The following PPP4R1 variants were observed in gnomAD, a reference collection of about 807,000 sequenced individuals.
PPP4R1 encodes the protein protein phosphatase 4 regulatory subunit 1.
In PPP4R1, 42 loss-of-function variants were observed where a neutral mutation model predicts 111.2. The observed-to-expected ratio is 0.38, with a 90% CI of 0.29 to 0.49. The LOEUF is 0.49. Ranked by LOEUF, PPP4R1 falls within the 20% of genes least tolerant of loss-of-function variation. PPP4R1 has a pLI of 0.97. For missense variants in PPP4R1, 1,012 were observed against 1,161.6 expected, an observed-to-expected ratio of 0.87 and a Z score of 1.87; for synonymous variants, 409 against 405.5, an observed-to-expected ratio of 1.01 and a Z score of -0.10.
chr18:9,577,558 G>A (rs9946235), intron 9 of PPP4R1, among the ~76,000 whole-genome samples: 30,128 of 152,010 alleles, frequency 0.2, 3,298 homozygotes, highest in East Asian at 0.49. Flanking sequence ...CCAGCTACTC[G>A]GCAGGGCCTG....
chr18:9,550,348 T>C lies in PPP4R1; in HGVS notation c.2342A>G (p.Tyr781Cys), dbSNP rs772283839. ...CAGATTCAGAGCAATGGGACGTAAATAGTCATAAACATCTCTGGGACTATA... is the reference window on the plus strand; with the variant it reads ...CAGATTCAGAGCAATGGGACGTAAACAGTCATAAACATCTCTGGGACTATA... ...ELYSPRDVYD[Y>C]LRPIALNLCA... The change falls in exon 17 of 20, where the codon TAT becomes TGT. Residue 781 changes from tyrosine (Y) to cysteine (C), a missense_variant. Tyr to Cys is a radical substitution (Grantham distance 194, BLOSUM62 -2). Transcript: ENST00000400556. 6.2e-7 allele frequency: 1 copy of C among 1,610,360 alleles called. No individual in the cohort carries two copies.
At chr18:9,553,836 T>C (rs532279380) in intron 15 of PPP4R1, among the ~76,000 whole-genome samples, 35 of 152,232 alleles carry the variant, frequency 2.3e-4, no homozygotes, top group African/African-American at 7.9e-4. Context: ...CAGTATTTGT[T>C]GAGAGAAAAA....
intron 10 of PPP4R1, among the ~76,000 whole-genome samples, chr18:9,576,754 C>CTAGA (rs35776972): frequency 0.73 from 110,263 of 151,698 alleles, 40,379 homozygotes; most frequent in African/African-American, 0.78. Context: ...GAATGATTGA[C>CTAGA]TAAATAATGT....
At chr18:9,559,284 A>C in intron 14 of PPP4R1, 135 bp downstream of exon 14, 1 of 895,758 alleles carries the variant, frequency 1.1e-6, no homozygotes, top group Non-Finnish European at 1.6e-6. Context: ...TATTACTCTT[A>C]AGCTCTTCCA....
chr18:9,569,708 A>G (rs1033499577), intron 11 of PPP4R1, among the ~76,000 whole-genome samples: 1 of 152,030 alleles, frequency 6.6e-6, no homozygotes, highest in Non-Finnish European at 1.5e-5. Context: ...TGGTTATACT[A>G]CCTTTTTCTT....
chr18:9,548,399 C>T lies in PPP4R1; in HGVS notation c.2690-447G>A, dbSNP rs141779703. ...AACTATATTTATGAGGTGTTTTGGG[C>T]GGCAGGCGGCGGGGGGGTCGATTAA... On this transcript the variant is annotated intron_variant, in intron 19 of 19. Coordinates refer to ENST00000400556, the MANE Select transcript of PPP4R1 (RefSeq NM_001042388.3). Among the ~76,000 whole-genome samples the T allele has an allele frequency of 6.3e-4, 82 of 131,146 alleles. 1 individual carries two copies. Among genetic ancestry groups the T allele is most frequent in the Middle Eastern group, 9.7e-3 (2 of 206 alleles). 86.0% of individuals were successfully genotyped at this position (131,146 alleles called of 152,430 possible). A position where few individuals can be genotyped will look rare whatever the true frequency, so the allele number is the denominator to read the frequency against.
intron 15 of PPP4R1, among the ~76,000 whole-genome samples, chr18:9,556,630 T>C (rs1021134830): frequency 1.3e-5 from 2 of 152,216 alleles, no homozygotes; most frequent in Admixed American, 6.5e-5. Context: ...ATCAGGGCTA[T>C]TCACTTTGGA....
intron 10 of PPP4R1, among the ~76,000 whole-genome samples, chr18:9,573,458 G>A (rs1481667581): frequency 6.6e-6 from 1 of 152,246 alleles, no homozygotes; most frequent in East Asian, 1.9e-4. Flanking sequence ...TGATATCCTT[G>A]CAAAATTTCT....
intron 10 of PPP4R1, among the ~76,000 whole-genome samples, chr18:9,576,068 C>T (rs2066931236): frequency 6.6e-6 from 1 of 152,066 alleles, no homozygotes; most frequent in Non-Finnish European, 1.5e-5. Context: ...TCTTCCTTTA[C>T]AAAAAACAGT....
At chr18:9,570,037 A>C in intron 11 of PPP4R1, 120 bp downstream of exon 11, 1 of 1,088,420 alleles carries the variant, frequency 9.2e-7, no homozygotes, top group Non-Finnish European at 1.2e-6. Flanking sequence ...GGTATGAGTC[A>C]CTGTGCCCAG....
At chr18:9,608,869 G>A (rs959454677) in intron 2 of PPP4R1, among the ~76,000 whole-genome samples, 5 of 152,184 alleles carry the variant, frequency 3.3e-5, no homozygotes, top group Admixed American at 1.3e-4. Context: ...ATAAACCAGA[G>A]ATCAAACAAA....
Position 9,598,768 on chromosome 18 carries a change from T to C in PPP4R1, c.53-3615A>G, listed in dbSNP as rs189723942. On this transcript the variant is annotated intron_variant, in intron 2 of 19. Transcript: ENST00000400556. Reference sequence around the variant, plus strand: ...GGCCAGGCACAGTGGCTCACGCCTGTAATCTTATCACTTTGAGAGGCCGAG... The same window carrying C: ...GGCCAGGCACAGTGGCTCACGCCTGCAATCTTATCACTTTGAGAGGCCGAG... Among the ~76,000 whole-genome samples, 14 of 152,316 alleles carry C rather than the reference T, an allele frequency of 9.2e-5. No individual in the cohort carries two copies. In the East Asian group the frequency reaches 2.7e-3, roughly 29 times the overall value.
chr18:9,556,712 G>A (rs939846699), intron 15 of PPP4R1, among the ~76,000 whole-genome samples: 3 of 152,176 alleles, frequency 2.0e-5, no homozygotes, highest in Admixed American at 6.5e-5. Context: ...ACCACACAAA[G>A]CCTCCAAACT....
rs553854125 is a variant in PPP4R1 at position 9,578,889 on chromosome 18, G to A, written c.919-1698C>T. Among the ~76,000 whole-genome samples, 31 of 152,236 alleles carry A rather than the reference G, an allele frequency of 2.0e-4. No individual in the cohort carries two copies. In the East Asian group the frequency reaches 6.0e-3, roughly 29 times the overall value. ...TGTATGCACGAATTTAATCTTCTCT[G>A]AATACTGTTAAATCTCTGAGCTTGT... On this transcript the variant is annotated intron_variant, in intron 9 of 19. Transcript: ENST00000400556.
chr18:9,589,150 T>A (rs1380954198), intron 4 of PPP4R1, among the ~76,000 whole-genome samples: 2 of 152,200 alleles, frequency 1.3e-5, no homozygotes, highest in Non-Finnish European at 2.9e-5. Context: ...CACACTGTGC[T>A]AGGGGTTAAA....
At chr18:9,557,191 T>C (rs370416391) in intron 15 of PPP4R1, 30 bp downstream of exon 15, 1 of 1,537,812 alleles carries the variant, frequency 6.5e-7, no homozygotes, top group African/African-American at 1.4e-5. Flanking sequence ...AATTTTGTTG[T>C]GTTTTTATGC....
chr18:9,548,787 G>C (rs968655323), intron 19 of PPP4R1, among the ~76,000 whole-genome samples: 1 of 152,058 alleles, frequency 6.6e-6, no homozygotes, highest in African/African-American at 2.4e-5. Context: ...GCGTGGTGGC[G>C]GGCACCTGTA....
chr18:9,570,150 T>C lies in PPP4R1; in HGVS notation c.1573+7A>G. ...TTCAGAATAAATAACTTGATTGACT[T>C]CCATACCTTTAACATCTGGATCATC... On this transcript the variant is annotated splice_region_variant and intron_variant, in intron 11 of 19. Transcript: ENST00000400556. 6.7e-7 allele frequency: 1 copy of C among 1,495,976 alleles called. No individual in the cohort carries two copies. The allele number at this position is 1,495,976 out of a possible 1,614,324, so 92.7% of individuals were successfully genotyped here. A position where few individuals can be genotyped will look rare whatever the true frequency, so the allele number is the denominator to read the frequency against.
In PPP4R1 at chr18:9,554,169, C is replaced by T. The variant is rs1259024505; in HGVS notation, c.2191-747G>A. Among the ~76,000 whole-genome samples the T allele has an allele frequency of 2.7e-5, 4 of 149,132 alleles. No individual in the cohort carries two copies. In the Admixed American group the frequency reaches 2.7e-4, roughly 10 times the overall value. ...TTGAGACAGTGTCTCACTCTGTGGT[C>T]CAGGCTGGAGTGCAGTGGCGGGATC... is the stretch of plus-strand genomic sequence containing the variant. On this transcript the variant is annotated intron_variant, in intron 15 of 19. Coordinates refer to ENST00000400556, the MANE Select transcript of PPP4R1 (RefSeq NM_001042388.3).
Sources: allele counts gnomAD v4.1 joint callset (sites outside exome capture counted in the v4.1 genomes callset), GRCh38; gene constraint gnomAD v4.1.1; transcripts MANE v1.5; gene names NCBI Gene and HGNC (gene_info 2026-07-23, HGNC 2026-07-21).